The following XIRP2 variants were observed in gnomAD, a reference collection of about 807,000 sequenced individuals.
The protein encoded by XIRP2 is xin actin binding repeat containing 2, also known as xin actin-binding repeat-containing protein 2.
In XIRP2, 236 loss-of-function variants were observed where a neutral mutation model predicts 277.0. The observed-to-expected ratio is 0.85, with a 90% CI of 0.77 to 0.95. The LOEUF is 0.95. Ranked by LOEUF, XIRP2 falls within the 40% of genes least tolerant of loss-of-function variation. XIRP2 has a pLI of 0.00. For missense variants in XIRP2, 4,640 were observed against 4,157.5 expected, an observed-to-expected ratio of 1.12 and a Z score of -3.19; for synonymous variants, 1,490 against 1,416.5, an observed-to-expected ratio of 1.05 and a Z score of -1.17.
chr2:166,929,111 T>A (rs1685262158), intron 2 of XIRP2, among the ~76,000 whole-genome samples: 1 of 151,998 alleles, frequency 6.6e-6, no homozygotes, highest in Non-Finnish European at 1.5e-5. Context: ...AATACAAATT[T>A]GGGGCTTCCA....
chr2:167,091,871 T>C (rs1690158022), intron 2 of XIRP2, among the ~76,000 whole-genome samples: 1 of 152,144 alleles, frequency 6.6e-6, no homozygotes, highest in African/African-American at 2.4e-5. Flanking sequence ...GGCTGGTCAA[T>C]TGTCAGGTCA....
At chr2:167,164,000 C>T (rs1276628238) in intron 3 of XIRP2, among the ~76,000 whole-genome samples, 1 of 152,106 alleles carries the variant, frequency 6.6e-6, no homozygotes, top group Non-Finnish European at 1.5e-5. Flanking sequence ...TATTCTTTCA[C>T]CAGTATCACA....
chr2:167,071,091 C>G (rs1689426421), intron 2 of XIRP2, among the ~76,000 whole-genome samples: 2 of 152,122 alleles, frequency 1.3e-5, no homozygotes, highest in South Asian at 4.2e-4. Context: ...ATCTCAATCC[C>G]AAAGCCCGTA....
chr2:167,091,472 C>A (rs1299654435), intron 2 of XIRP2, among the ~76,000 whole-genome samples: 1 of 152,118 alleles, frequency 6.6e-6, no homozygotes, highest in African/African-American at 2.4e-5. Context: ...TTTAAACCAT[C>A]ATATTAAATA....
At chr2:167,158,762 T>A (rs1692277566) in intron 3 of XIRP2, among the ~76,000 whole-genome samples, 1 of 152,226 alleles carries the variant, frequency 6.6e-6, no homozygotes, top group Non-Finnish European at 1.5e-5. Flanking sequence ...AATAACCATT[T>A]AGATTTTATT....
At chr2:167,154,260 T>A (rs1553492348) in intron 3 of XIRP2, among the ~76,000 whole-genome samples, 1 of 149,974 alleles carries the variant, frequency 6.7e-6, no homozygotes, top group Non-Finnish European at 1.5e-5. Flanking sequence ...GGGTTGTTTG[T>A]TTTTTTCTTG....
At chr2:167,025,589 T>C (rs1345277143) in intron 2 of XIRP2, among the ~76,000 whole-genome samples, 2 of 151,862 alleles carry the variant, frequency 1.3e-5, no homozygotes, top group African/African-American at 4.8e-5. Context: ...CTTGTGGGCA[T>C]TTAGTGCTAT....
chr2:167,166,217 T>A lies in XIRP2; in HGVS notation c.562+30155T>A, dbSNP rs190168565. On this transcript the variant is annotated intron_variant, in intron 3 of 10. Transcript: ENST00000409195. Reference sequence around the variant, plus strand: ...TGAGGTTTTTTTTCTTTGATGCATGTCACACTTTCTTGCAGTATGTTGTTT... The same window carrying A: ...TGAGGTTTTTTTTCTTTGATGCATGACACACTTTCTTGCAGTATGTTGTTT... Among the ~76,000 whole-genome samples, 283 of 152,312 alleles carry A rather than the reference T, an allele frequency of 1.9e-3. 1 individual carries two copies. The highest frequency in any genetic ancestry group is 6.4e-3 in the African/African-American group (264 of 41,560).
At chr2:167,048,301 C>G (rs1197149495) in intron 2 of XIRP2, among the ~76,000 whole-genome samples, 2 of 151,970 alleles carry the variant, frequency 1.3e-5, no homozygotes, top group Non-Finnish European at 2.9e-5. Flanking sequence ...CTCTTCAATA[C>G]TATACAATCT....
At chr2:166,910,360 A>C (rs1026068258) in intron 2 of XIRP2, among the ~76,000 whole-genome samples, 3 of 152,108 alleles carry the variant, frequency 2.0e-5, no homozygotes, top group Non-Finnish European at 2.9e-5. Flanking sequence ...TGTGTCAAGG[A>C]ATTTATCTAT....
At chr2:167,091,016 A>C (rs1312242773) in intron 2 of XIRP2, among the ~76,000 whole-genome samples, 1 of 152,128 alleles carries the variant, frequency 6.6e-6, no homozygotes, top group Non-Finnish European at 1.5e-5. Context: ...TACAGAAAGA[A>C]AATAAAATGT....
intron 3 of XIRP2, among the ~76,000 whole-genome samples, chr2:167,149,710 A>G (rs558276078): frequency 3.5e-4 from 54 of 152,278 alleles, no homozygotes; most frequent in African/African-American, 1.2e-3. Context: ...TGACTTCAGA[A>G]TAAGAAAGGA....
intron 3 of XIRP2, among the ~76,000 whole-genome samples, chr2:167,197,441 C>T (rs1048700199): frequency 1.3e-5 from 2 of 151,804 alleles, no homozygotes; most frequent in African/African-American, 4.8e-5. Flanking sequence ...ATATGTTAAA[C>T]ATTAAATACT....
intron 5 of XIRP2, among the ~76,000 whole-genome samples, chr2:167,223,664 G>C (rs1694499354): frequency 6.6e-6 from 1 of 152,118 alleles, no homozygotes; most frequent in African/African-American, 2.4e-5. Flanking sequence ...CTTTAAACCT[G>C]CCTATAGCTC....
intron 4 of XIRP2, among the ~76,000 whole-genome samples, chr2:167,217,522 G>A (rs1694291394): frequency 6.6e-6 from 1 of 152,028 alleles, no homozygotes. Flanking sequence ...TTCTAGCTGT[G>A]AGAACGTAAT....
chr2:166,891,365 C>T (rs1371267355), intron 1 of XIRP2, among the ~76,000 whole-genome samples: 1 of 152,106 alleles, frequency 6.6e-6, no homozygotes, highest in Non-Finnish European at 1.5e-5. Context: ...ATTATGCATG[C>T]ATCCTATTAG....
intron 2 of XIRP2, among the ~76,000 whole-genome samples, chr2:167,062,461 G>T (rs141868146): frequency 6.6e-6 from 1 of 152,056 alleles, no homozygotes; most frequent in African/African-American, 2.4e-5. Flanking sequence ...GTTCCCTGGG[G>T]CTATTATACT....
At chr2:167,132,538 A>T (rs1691410750) in intron 2 of XIRP2, among the ~76,000 whole-genome samples, 1 of 148,624 alleles carries the variant, frequency 6.7e-6, no homozygotes. Context: ...ACACACACAC[A>T]CACACACACA....
chr2:166,955,403 G>A (rs2105400685), intron 2 of XIRP2, among the ~76,000 whole-genome samples: 1 of 151,886 alleles, frequency 6.6e-6, no homozygotes, highest in Admixed American at 6.6e-5. Context: ...GTTGTTTAGG[G>A]AAGAGGTTGT....
Sources: gnomAD v4.1 joint callset for allele counts (sites outside exome capture counted in the v4.1 genomes callset) on GRCh38, gnomAD v4.1.1 for gene constraint, MANE v1.5 for transcripts, NCBI Gene and HGNC (gene_info 2026-07-23, HGNC 2026-07-21) for gene names.